The following INPP4B variants were observed in gnomAD, a reference collection of about 807,000 sequenced individuals.
INPP4B encodes inositol polyphosphate-4-phosphatase type II B.
INPP4B carries 55 observed loss-of-function variants against 122.5 expected under a neutral mutation model. The ratio of observed to expected loss-of-function variants is 0.45; its 90% CI spans 0.36 to 0.56. The LOEUF is 0.56. Among genes scored for constraint, INPP4B ranks in the 20% least tolerant of loss-of-function variants. INPP4B has a pLI of 0.00. For synonymous variants in INPP4B, 403 were observed against 388.7 expected (o/e 1.04, Z -0.43); for missense variants, 1,000 against 1,097.7 (o/e 0.91, Z 1.26).
At chr4:142,420,796 A>G (rs1305594073) in intron 5 of INPP4B, among the ~76,000 whole-genome samples, 1 of 152,154 alleles carries the variant, frequency 6.6e-6, no homozygotes, top group Non-Finnish European at 1.5e-5. Flanking sequence ...GAAAATGTCA[A>G]AAGTGTTTAA....
chr4:142,644,246 A>C (rs1580602569), intron 2 of INPP4B, among the ~76,000 whole-genome samples: 1 of 141,568 alleles, frequency 7.1e-6, no homozygotes, highest in Non-Finnish European at 1.5e-5. Context: ...AGGAGGAGAA[A>C]GAGAAGGAAG....
chr4:142,131,158 A>T (rs1331107317), intron 18 of INPP4B, among the ~76,000 whole-genome samples: 5 of 152,222 alleles, frequency 3.3e-5, no homozygotes, highest in Non-Finnish European at 7.3e-5. Context: ...AATAAACTGT[A>T]ATCTCAGGAT....
intron 25 of INPP4B, among the ~76,000 whole-genome samples, chr4:142,046,343 G>GTGAGTGAT (rs1751420802): frequency 6.6e-6 from 1 of 152,102 alleles, no homozygotes; most frequent in Non-Finnish European, 1.5e-5. Context: ...ATCGAAGACA[G>GTGAGTGAT]TGAGTGATGA....
rs183162686 is a variant in INPP4B at position 142,070,310 on chromosome 4, T to C, written c.2642+11721A>G. On this transcript the variant is annotated intron_variant, in intron 25 of 25. Transcript: ENST00000262992. ...AGCCTTTCATGATAAAAACTCTCAA[T>C]AAACTAGGTATTGATGGGACATGTC... Among the ~76,000 whole-genome samples, 553 of 152,242 alleles carry C rather than the reference T, an allele frequency of 3.6e-3. 4 individuals carry two copies. The highest frequency in any genetic ancestry group is 6.2e-3 in the Non-Finnish European group (420 of 68,008).
At chr4:142,270,915 T>C (rs373586034) in intron 9 of INPP4B, 141 bp from the exon 10 acceptor site, 5 of 635,076 alleles carry the variant, frequency 7.9e-6, no homozygotes, top group Non-Finnish European at 1.4e-5. Context: ...CAGCAAAACA[T>C]GTTAATAGGG....
At chr4:142,290,054 A>G (rs1755668718) in intron 9 of INPP4B, among the ~76,000 whole-genome samples, 1 of 152,096 alleles carries the variant, frequency 6.6e-6, no homozygotes, top group African/African-American at 2.4e-5. Context: ...ATCCCAACAC[A>G]GCATAAGTCA....
At chr4:142,569,218 CATT>C (rs1732287047) in intron 2 of INPP4B, among the ~76,000 whole-genome samples, 1 of 150,620 alleles carries the variant, frequency 6.6e-6, no homozygotes, top group Non-Finnish European at 1.5e-5. Context: ...AAAAATATCA[CATT>C]ATTGGAAACC....
chr4:142,096,382 T>C (rs1282959976), intron 23 of INPP4B, among the ~76,000 whole-genome samples: 1 of 152,162 alleles, frequency 6.6e-6, no homozygotes, highest in Admixed American at 6.6e-5. Flanking sequence ...ACACAGACAT[T>C]GCAACATAGA....
chr4:142,155,116 T>C (rs1016492940), intron 17 of INPP4B, among the ~76,000 whole-genome samples: 1 of 151,908 alleles, frequency 6.6e-6, no homozygotes, highest in Admixed American at 6.6e-5. Flanking sequence ...ATAATACTCA[T>C]TTAGGTAACC....
At chr4:142,419,508 T>C (rs1382116151) in intron 5 of INPP4B, among the ~76,000 whole-genome samples, 3 of 152,104 alleles carry the variant, frequency 2.0e-5, no homozygotes, top group East Asian at 1.9e-4. Context: ...GTAGAGCTGA[T>C]GGAGGAGTAA....
intron 7 of INPP4B, among the ~76,000 whole-genome samples, chr4:142,396,648 G>A (rs1799464328): frequency 6.6e-6 from 1 of 152,056 alleles, no homozygotes; most frequent in South Asian, 2.1e-4. Context: ...ACCAATATTT[G>A]TCAACATATG....
intron 11 of INPP4B, among the ~76,000 whole-genome samples, chr4:142,253,787 C>A (rs1031824389): frequency 1.3e-5 from 2 of 152,188 alleles, no homozygotes; most frequent in Non-Finnish European, 2.9e-5. Flanking sequence ...GAGGGGCACC[C>A]ACCATTGCCC....
At chr4:142,042,780 C>T (rs989401723) in intron 25 of INPP4B, among the ~76,000 whole-genome samples, 24 of 152,232 alleles carry the variant, frequency 1.6e-4, no homozygotes, top group African/African-American at 5.3e-4. Context: ...TCAAGCTGGT[C>T]TTAAACTCCT....
intron 5 of INPP4B, among the ~76,000 whole-genome samples, chr4:142,406,053 C>A (rs1803291523): frequency 6.6e-6 from 1 of 152,106 alleles, no homozygotes; most frequent in Non-Finnish European, 1.5e-5. Context: ...ATATCATTCC[C>A]CCAATTTGAG....
chr4:142,384,513 C>T (rs540581079), intron 7 of INPP4B, among the ~76,000 whole-genome samples: 33 of 151,820 alleles, frequency 2.2e-4, no homozygotes, highest in Non-Finnish European at 4.3e-4. Context: ...ATTTGTATAT[C>T]TAAACATATC....
intron 9 of INPP4B, among the ~76,000 whole-genome samples, chr4:142,275,051 G>A (rs1377582950): frequency 6.6e-6 from 1 of 151,682 alleles, no homozygotes; most frequent in Non-Finnish European, 1.5e-5. Flanking sequence ...TGGTGATTAA[G>A]GTTCCTTAAA....
chr4:142,758,512 G>A (rs1391246933), intron 1 of INPP4B, among the ~76,000 whole-genome samples: 4 of 152,068 alleles, frequency 2.6e-5, no homozygotes, highest in African/African-American at 4.8e-5. Context: ...AATAAAATCA[G>A]GAAAGTTGTA....
chr4:142,308,118 C>T (rs1764138511), intron 8 of INPP4B, among the ~76,000 whole-genome samples: 1 of 152,164 alleles, frequency 6.6e-6, no homozygotes. Flanking sequence ...CCTAGCTGAG[C>T]CCAGTGTCTG....
In INPP4B at chr4:142,355,284, G is replaced by T. The variant is rs572034636; in HGVS notation, c.373-40522C>A. 2.0e-4 allele frequency among the ~76,000 whole-genome samples: 31 copies of T among 152,118 alleles called. No homozygotes were observed. The South Asian group carries it at 5.8e-3, about 28-fold the overall frequency. On this transcript the variant is annotated intron_variant, in intron 7 of 25. Coordinates refer to ENST00000262992, the MANE Select transcript of INPP4B (RefSeq NM_001101669.3). The stretch of plus-strand genomic sequence containing the variant: ...ACCTCTTTATAGGAGGAGCTGCAAA[G>T]AATCTGTGGTCGTATTTAATCTAAC...
Sources: allele counts gnomAD v4.1 joint callset (sites outside exome capture counted in the v4.1 genomes callset), GRCh38; gene constraint gnomAD v4.1.1; transcripts MANE v1.5; gene names NCBI Gene and HGNC (gene_info 2026-07-23, HGNC 2026-07-21).